The following NCAM1 variants were observed in gnomAD, a reference collection of about 807,000 sequenced individuals.
NCAM1 encodes neural cell adhesion molecule 1, also known as antigen recognized by monoclonal antibody 5.1H11.
NCAM1 carries 14 observed loss-of-function variants against 109.8 expected under a neutral mutation model. That is an observed-to-expected ratio of 0.13 (90% CI 0.08 to 0.20). The LOEUF (loss-of-function observed/expected upper bound fraction) is 0.20, where lower values mean the gene tolerates loss of function less well. NCAM1 is among the 10% of genes least tolerant of loss of function. NCAM1 has a pLI of 1.00. For missense variants in NCAM1, 774 were observed against 1,109.9 expected (o/e 0.70, Z 4.30); for synonymous variants, 418 against 442.9 (o/e 0.94, Z 0.70).
At chr11:113,069,938 A>G (rs1450387414) in intron 1 of NCAM1, among the ~76,000 whole-genome samples, 1 of 152,162 alleles carries the variant, frequency 6.6e-6, no homozygotes, top group Non-Finnish European at 1.5e-5. Context: ...AGTGAGTTGG[A>G]AGTACCTGTG....
chr11:113,261,701 G>A (rs1300584625), intron 17 of NCAM1, among the ~76,000 whole-genome samples: 1 of 152,164 alleles, frequency 6.6e-6, no homozygotes, highest in Non-Finnish European at 1.5e-5. Context: ...TGGAGTGAAT[G>A]TCCAGATCTG....
In NCAM1 at chr11:113,203,712, C is replaced by T. The variant is rs1436673979; in HGVS notation, c.128-574C>T. 9.2e-5 allele frequency among the ~76,000 whole-genome samples: 14 copies of T among 152,258 alleles called. No individual in the cohort carries two copies. The East Asian group carries it at 1.2e-3, about 13-fold the overall frequency. ...ATGAATTTGTCTGAGCAGGGAGTGA[C>T]GAAATGACAGTCATGCCAGTTTGTG... On this transcript the variant is annotated intron_variant, in intron 2 of 19. Transcript: ENST00000316851.
At chr11:113,081,912 C>G (rs1938838894) in intron 1 of NCAM1, among the ~76,000 whole-genome samples, 1 of 152,208 alleles carries the variant, frequency 6.6e-6, no homozygotes, top group Admixed American at 6.5e-5. Flanking sequence ...AACGCCTTTA[C>G]TATCTGCCTA....
intron 1 of NCAM1, among the ~76,000 whole-genome samples, chr11:113,201,788 A>G (rs1944069395): frequency 6.6e-6 from 1 of 152,188 alleles, no homozygotes; most frequent in Non-Finnish European, 1.5e-5. Context: ...TTATGGAAAA[A>G]GGTGTGTTGG....
At chr11:113,025,989 T>A (rs1952534516) in intron 1 of NCAM1, among the ~76,000 whole-genome samples, 1 of 152,224 alleles carries the variant, frequency 6.6e-6, no homozygotes, top group African/African-American at 2.4e-5. Flanking sequence ...CATCAGCTAA[T>A]GCTTATTGAA....
rs535120771 is a variant in NCAM1 at position 113,102,623 on chromosome 11, A to G, written c.53-99756A>G. 8.5e-5 allele frequency among the ~76,000 whole-genome samples: 13 copies of G among 152,274 alleles called. No homozygotes were observed. The East Asian group carries it at 2.5e-3, about 29-fold the overall frequency. On this transcript the variant is annotated intron_variant, in intron 1 of 19. Coordinates refer to ENST00000316851, the MANE Select transcript of NCAM1 (RefSeq NM_181351.5). ...CTCATAGATATCTGTACCTGTTTGC[A>G]ACTTGGTATTTAATATTTACTTACT...
chr11:113,048,381 C>T (rs1565404515), intron 1 of NCAM1, among the ~76,000 whole-genome samples: 1 of 152,122 alleles, frequency 6.6e-6, no homozygotes, highest in Non-Finnish European at 1.5e-5. Flanking sequence ...ATTAGGTTTG[C>T]CTTCTAGTAA....
At chr11:113,169,384 A>G (rs1184783627) in intron 1 of NCAM1, among the ~76,000 whole-genome samples, 4 of 152,146 alleles carry the variant, frequency 2.6e-5, no homozygotes, top group African/African-American at 9.7e-5. Flanking sequence ...TTTGCTTAGA[A>G]AAAGCTAGAA....
intron 1 of NCAM1, among the ~76,000 whole-genome samples, chr11:113,030,872 A>C (rs1952691449): frequency 6.6e-6 from 1 of 152,204 alleles, no homozygotes; most frequent in African/African-American, 2.4e-5. Context: ...CCTCACCTAG[A>C]TATTTCAAGG....
At chr11:113,149,271 G>C (rs1555101973) in intron 1 of NCAM1, among the ~76,000 whole-genome samples, 1 of 152,100 alleles carries the variant, frequency 6.6e-6, no homozygotes, top group Non-Finnish European at 1.5e-5. Flanking sequence ...CTGATGTGAT[G>C]GGCATGTGAC....
intron 17 of NCAM1, chr11:113,264,731 T>A: frequency 1.0e-6 from 1 of 985,248 alleles, no homozygotes; most frequent in Non-Finnish European, 1.2e-6. Flanking sequence ...TGGAGAGGAC[T>A]GACGTGGCCC....
chr11:113,213,472 C>T (rs1944445171), intron 7 of NCAM1, among the ~76,000 whole-genome samples: 1 of 152,134 alleles, frequency 6.6e-6, no homozygotes, highest in Non-Finnish European at 1.5e-5. Flanking sequence ...AACTCATCTC[C>T]TTCCCATCCT....
intron 1 of NCAM1, among the ~76,000 whole-genome samples, chr11:113,078,843 C>T (rs965246103): frequency 2.0e-5 from 3 of 152,098 alleles, no homozygotes; most frequent in Admixed American, 6.6e-5. Flanking sequence ...GGCTGATGGT[C>T]TTATTAGGAA....
chr11:113,268,604 G>A (rs905487968), intron 17 of NCAM1, among the ~76,000 whole-genome samples: 36 of 152,310 alleles, frequency 2.4e-4, no homozygotes, highest in African/African-American at 8.4e-4. Flanking sequence ...TGGACCAGTG[G>A]AGAGGGACAG....
chr11:113,206,327 C>A, intron 5 of NCAM1, 147 bp downstream of exon 5: 86 of 587,530 alleles, frequency 1.5e-4, no homozygotes, highest in Non-Finnish European at 1.9e-4. Flanking sequence ...CCCACCGTAA[C>A]ATCTAGATTT....
chr11:113,027,941 G>T lies in NCAM1; in HGVS notation c.52+66277G>T, dbSNP rs1034795246. 3.3e-4 allele frequency among the ~76,000 whole-genome samples: 50 copies of T among 152,110 alleles called. 1 individual carries two copies. Among genetic ancestry groups the T allele is most frequent in the Admixed American group, 1.3e-4 (2 of 15,268 alleles). On this transcript the variant is annotated intron_variant, in intron 1 of 19. Transcript: ENST00000316851. ...CATAATGTTATATGAAACCAGCCAG[G>T]CACAGAAAGACAGCTACTTCATGAT...
chr11:113,146,740 G>C (rs1555101403), intron 1 of NCAM1, among the ~76,000 whole-genome samples: 1 of 152,178 alleles, frequency 6.6e-6, no homozygotes, highest in African/African-American at 2.4e-5. Flanking sequence ...GACTGGACAA[G>C]GCCTAGCGAA....
At chr11:113,084,004 CCAAGT>C (rs1352508517) in intron 1 of NCAM1, among the ~76,000 whole-genome samples, 1 of 152,116 alleles carries the variant, frequency 6.6e-6, no homozygotes, top group East Asian at 1.9e-4. Flanking sequence ...AAGGAATGCT[CCAAGT>C]CAAGGAAATA....
At chr11:113,057,917 A>G (rs1170689263) in intron 1 of NCAM1, among the ~76,000 whole-genome samples, 11 of 152,090 alleles carry the variant, frequency 7.2e-5, no homozygotes, top group Admixed American at 2.0e-4. Context: ...GAAGCTATGG[A>G]AGGATATGTA....
Sources: allele counts gnomAD v4.1 joint callset (sites outside exome capture counted in the v4.1 genomes callset), GRCh38; gene constraint gnomAD v4.1.1; transcripts MANE v1.5; gene names NCBI Gene and HGNC (gene_info 2026-07-23, HGNC 2026-07-21).